The following IRAK1BP1 variants were observed in gnomAD, a reference collection of about 807,000 sequenced individuals.
IRAK1BP1 encodes interleukin 1 receptor associated kinase 1 binding protein 1.
IRAK1BP1 carries 24 observed loss-of-function variants against 28.0 expected under a neutral mutation model. The observed-to-expected ratio is 0.86, with a 90% CI of 0.62 to 1.20. The LOEUF is 1.20. Among genes scored for constraint, IRAK1BP1 ranks in the 50% most tolerant of loss-of-function variants. The probability of loss-of-function intolerance (pLI) is 0.00; values close to 1 mark genes in which losing one functional copy is unlikely to be tolerated. For synonymous variants in IRAK1BP1, 131 were observed against 116.3 expected (o/e 1.13, Z -0.81); for missense variants, 336 against 316.7 (o/e 1.06, Z -0.46).
At chr6:78,886,055 G>T (rs983467521) in intron 2 of IRAK1BP1, among the ~76,000 whole-genome samples, 2 of 152,152 alleles carry the variant, frequency 1.3e-5, no homozygotes, top group African/African-American at 4.8e-5. Context: ...ACATTTTGGA[G>T]TACGTGCCTA....
intron 4 of IRAK1BP1, among the ~76,000 whole-genome samples, chr6:78,921,424 G>A (rs565117406): frequency 1.3e-5 from 2 of 152,216 alleles, no homozygotes; most frequent in East Asian, 1.9e-4. Context: ...CAAAGCAACC[G>A]GGAAGCTCGA....
Position 78,900,197 on chromosome 6 carries a change from A to G in IRAK1BP1, c.*1863A>G, listed in dbSNP as rs902840458. 6.6e-6 allele frequency: 1 copy of G among 152,232 alleles called. No individual in the cohort carries two copies. The highest frequency in any genetic ancestry group is 1.5e-5 in the Non-Finnish European group (1 of 68,038). 9.4% of individuals were successfully genotyped at this position (152,232 alleles called of 1,614,324 possible). On this transcript the variant is annotated 3_prime_UTR_variant, in exon 4 of 4. Transcript: ENST00000369940. Reference sequence around the variant, plus strand: ...CAGACCAAGGTCAAACACTGAGATAATAATGATTCTTAAGGCCATTTGAAA... The same window carrying G: ...CAGACCAAGGTCAAACACTGAGATAGTAATGATTCTTAAGGCCATTTGAAA...
intron 1 of IRAK1BP1, among the ~76,000 whole-genome samples, chr6:78,884,982 C>T (rs1771366190): frequency 1.3e-5 from 2 of 152,002 alleles, no homozygotes; most frequent in African/African-American, 4.8e-5. Flanking sequence ...GCAGGTGACA[C>T]CTACAGGAGA....
chr6:78,950,922 G>C (rs1000465337), downstream of IRAK1BP1, among the ~76,000 whole-genome samples: 4 of 152,092 alleles, frequency 2.6e-5, no homozygotes, highest in African/African-American at 7.2e-5. Context: ...TTCTTGAGGA[G>C]TGAGCTTCGA....
chr6:78,904,620 T>C (rs922286831), downstream of IRAK1BP1, among the ~76,000 whole-genome samples: 7 of 152,220 alleles, frequency 4.6e-5, no homozygotes, highest in African/African-American at 1.7e-4. Flanking sequence ...TAATGCTTTG[T>C]TCTTCCATTG....
At chr6:78,881,998 T>C (rs997080489) in intron 1 of IRAK1BP1, among the ~76,000 whole-genome samples, 2 of 152,118 alleles carry the variant, frequency 1.3e-5, no homozygotes, top group South Asian at 2.1e-4. Flanking sequence ...TGTAAGTTAG[T>C]ATCTGTGTGC....
the IRAK1BP1 span, chr6:78,978,804 T>TA: frequency 3.1e-5 from 32 of 1,031,664 alleles, no homozygotes; most frequent in Non-Finnish European, 4.3e-5. Context: ...GATAATTAAA[T>TA]AAAAGGGGAA....
chr6:78,944,257 T>C (rs1233198231), intron 4 of IRAK1BP1, among the ~76,000 whole-genome samples: 1 of 152,154 alleles, frequency 6.6e-6, no homozygotes, highest in Non-Finnish European at 1.5e-5. Flanking sequence ...AAGAGTCTTG[T>C]GTAACAGGCA....
chr6:78,882,758 A>T (rs965651908), intron 1 of IRAK1BP1, among the ~76,000 whole-genome samples: 1 of 152,180 alleles, frequency 6.6e-6, no homozygotes, highest in Non-Finnish European at 1.5e-5. Flanking sequence ...GGTAGTAAAA[A>T]GGACATTTAA....
At chr6:78,877,187 T>G (rs1398487327) in intron 1 of IRAK1BP1, among the ~76,000 whole-genome samples, 3 of 152,136 alleles carry the variant, frequency 2.0e-5, no homozygotes, top group African/African-American at 7.2e-5. Context: ...GGTGTGCCTT[T>G]AGTAAAGGCA....
downstream of IRAK1BP1, among the ~76,000 whole-genome samples, chr6:78,948,740 C>T (rs762984393): frequency 2.6e-5 from 4 of 152,134 alleles, no homozygotes; most frequent in South Asian, 2.1e-4. Context: ...ATGACCTGCC[C>T]GTCTTGACCT....
At chr6:78,974,284 C>A in the IRAK1BP1 span, among the ~76,000 whole-genome samples, 1 of 151,820 alleles carries the variant, frequency 6.6e-6, no homozygotes. Flanking sequence ...CTACTGGGTA[C>A]ATAATGAAAT....
the IRAK1BP1 span, among the ~76,000 whole-genome samples, chr6:78,967,279 G>A: frequency 1.3e-5 from 2 of 152,128 alleles, no homozygotes; most frequent in Non-Finnish European, 2.9e-5. Flanking sequence ...GCATACTAGT[G>A]ACACTTAACA....
chr6:78,952,880 TAAC>T, the IRAK1BP1 span, among the ~76,000 whole-genome samples: 1 of 152,090 alleles, frequency 6.6e-6, no homozygotes, highest in Non-Finnish European at 1.5e-5. Context: ...GTGGTACATA[TAAC>T]AACAGTAATC....
At chr6:78,932,425 T>TTC (rs1354950096) in intron 4 of IRAK1BP1, among the ~76,000 whole-genome samples, 4 of 147,352 alleles carry the variant, frequency 2.7e-5, no homozygotes, top group Non-Finnish European at 4.5e-5. Flanking sequence ...CTTTTTCTTT[T>TTC]TTTTTTTTTT....
At chr6:78,948,209 C>T (rs1773933315), downstream of IRAK1BP1, among the ~76,000 whole-genome samples, 1 of 152,164 alleles carries the variant, frequency 6.6e-6, no homozygotes, top group South Asian at 2.1e-4. Flanking sequence ...ATGCCAGCAT[C>T]CCATTTATGC....
chr6:78,913,337 A>T (rs1772475920), intron 4 of IRAK1BP1, among the ~76,000 whole-genome samples: 1 of 150,970 alleles, frequency 6.6e-6, no homozygotes, highest in Non-Finnish European at 1.5e-5. Context: ...TCTGTTTCAA[A>T]AAAAAAAAAG....
At chr6:78,895,936 C>T (rs1405998845) in intron 2 of IRAK1BP1, among the ~76,000 whole-genome samples, 1 of 152,100 alleles carries the variant, frequency 6.6e-6, no homozygotes, top group Non-Finnish European at 1.5e-5. Flanking sequence ...TCATGGACAA[C>T]ATGACCATTG....
chr6:78,912,454 C>A (rs1029129507), intron 4 of IRAK1BP1, among the ~76,000 whole-genome samples: 1 of 152,012 alleles, frequency 6.6e-6, no homozygotes, highest in Non-Finnish European at 1.5e-5. Flanking sequence ...CTGGTGGTAC[C>A]AAGCCACCAG....
Sources: allele counts gnomAD v4.1 joint callset (sites outside exome capture counted in the v4.1 genomes callset), GRCh38; gene constraint gnomAD v4.1.1; transcripts MANE v1.5; gene names NCBI Gene and HGNC (gene_info 2026-07-23, HGNC 2026-07-21).